The following PUM1 variants were observed in gnomAD, a reference collection of about 807,000 sequenced individuals.
PUM1 encodes the protein pumilio RNA binding family member 1, also known as pumilio homolog 1.
PUM1 carries 13 observed loss-of-function variants against 131.8 expected under a neutral mutation model. The ratio of observed to expected loss-of-function variants is 0.10; its 90% CI spans 0.06 to 0.16. The LOEUF is 0.16. PUM1 is among the 10% of genes least tolerant of loss of function. The pLI is 1.00. For missense variants in PUM1, 961 were observed against 1,512.4 expected, an observed-to-expected ratio of 0.64 and a Z score of 6.05; for synonymous variants, 509 against 556.5, an observed-to-expected ratio of 0.91 and a Z score of 1.20.
intron 5 of PUM1, among the ~76,000 whole-genome samples, chr1:31,002,198 A>G (rs1459375350): frequency 4.6e-5 from 7 of 152,228 alleles, no homozygotes; most frequent in African/African-American, 1.2e-4. Context: ...AACAAAACCT[A>G]TGAAAGTTAA....
rs115756474 is a variant in PUM1, at chr1:30,962,877, A to C, written c.2323+1797T>G. Among the ~76,000 whole-genome samples the C allele has an allele frequency of 2.3e-3, 348 of 152,336 alleles. 2 individuals are homozygous for C. Among genetic ancestry groups the C allele is most frequent in the African/African-American group, 8.1e-3 (337 of 41,576 alleles). On this transcript the variant is annotated intron_variant, in intron 14 of 21. Coordinates refer to ENST00000426105, the MANE Select transcript of PUM1 (RefSeq NM_001020658.2). ...ATTTACTATCTGGCTCTTTATGAAAAAAAAACTTAGCAGGTTCAGTTTATT... is the reference window on the plus strand; with the variant it reads ...ATTTACTATCTGGCTCTTTATGAAACAAAAACTTAGCAGGTTCAGTTTATT...
At chr1:31,061,256 G>A (rs1322583700) in intron 1 of PUM1, among the ~76,000 whole-genome samples, 1 of 152,124 alleles carries the variant, frequency 6.6e-6, no homozygotes, top group Non-Finnish European at 1.5e-5. Flanking sequence ...GCCAGGAGCT[G>A]AAGACCAGCC....
intron 15 of PUM1, among the ~76,000 whole-genome samples, chr1:30,953,184 T>C (rs183991273): frequency 1.3e-5 from 2 of 152,278 alleles, no homozygotes; most frequent in Admixed American, 1.3e-4. Context: ...AGGTAGCTTC[T>C]GTAGAAACTG....
intron 3 of PUM1, among the ~76,000 whole-genome samples, chr1:31,019,879 G>A (rs61780470): frequency 0.072 from 10,929 of 151,976 alleles, 648 homozygotes; most frequent in East Asian, 0.28. Context: ...ATAAGGTCAC[G>A]TGTTTTTACA....
Position 31,056,609 on chromosome 1 carries a change from C to CTTTTTTTTTTTTTTTT in PUM1, c.363+2579_363+2594dup, listed in dbSNP as rs57685772. Among the ~76,000 whole-genome samples the CTTTTTTTTTTTTTTTT allele has an allele frequency of 2.5e-4, 11 of 43,688 alleles. 2 individuals are homozygous for CTTTTTTTTTTTTTTTT. Among genetic ancestry groups the CTTTTTTTTTTTTTTTT allele is most frequent in the Non-Finnish European group, 3.6e-4 (9 of 24,874 alleles). The allele number at this position is 43,688 out of a possible 152,430, so 28.7% of individuals were successfully genotyped here. On this transcript the variant is annotated intron_variant, in intron 2 of 21. Transcript: ENST00000426105. ...CAGCTGAAAACCTTCCTTTTCTTTT[C>CTTTTTTTTTTTTTTTT]TTTTTTTTTTTTTTTTTTTTTTTTT...
chr1:30,952,883 G>A (rs1640005901), intron 15 of PUM1, among the ~76,000 whole-genome samples: 2 of 152,152 alleles, frequency 1.3e-5, no homozygotes, highest in Non-Finnish European at 1.5e-5. Flanking sequence ...GGCTGAAGCA[G>A]GAGAATGGCG....
intron 2 of PUM1, among the ~76,000 whole-genome samples, chr1:31,043,309 T>C (rs1643881475): frequency 6.6e-6 from 1 of 152,046 alleles, no homozygotes; most frequent in Admixed American, 6.6e-5. Flanking sequence ...TTCAAGTGAT[T>C]CTCCTGCCTC....
intron 3 of PUM1, among the ~76,000 whole-genome samples, chr1:31,011,326 C>T (rs533837845): frequency 1.3e-5 from 2 of 152,260 alleles, no homozygotes; most frequent in Admixed American, 6.5e-5. Flanking sequence ...TTTCAAGAAA[C>T]ACTTCTTGTT....
chr1:30,946,685 T>C (rs1639690366), intron 17 of PUM1, among the ~76,000 whole-genome samples: 1 of 147,132 alleles, frequency 6.8e-6, no homozygotes, highest in Admixed American at 6.8e-5. Flanking sequence ...TACATATATA[T>C]AATAAAAACA....
At chr1:31,010,674 A>ATGGT (rs1429628232) in intron 3 of PUM1, among the ~76,000 whole-genome samples, 1 of 152,194 alleles carries the variant, frequency 6.6e-6, no homozygotes, top group Non-Finnish European at 1.5e-5. Context: ...ATGGATTCTG[A>ATGGT]TGGTTGATAC....
chr1:30,935,960 C>T (rs1156634652), intron 21 of PUM1, among the ~76,000 whole-genome samples: 2 of 124,774 alleles, frequency 1.6e-5, no homozygotes, highest in East Asian at 2.1e-4. Context: ...ACTGGACCCA[C>T]GCCGTGACTT....
At chr1:31,043,809 G>C (rs1401098034) in intron 2 of PUM1, among the ~76,000 whole-genome samples, 1 of 152,164 alleles carries the variant, frequency 6.6e-6, no homozygotes, top group Non-Finnish European at 1.5e-5. Context: ...CCAGTAAAAT[G>C]TGTGGCTTGG....
At chr1:31,004,724 T>TAA (rs955452652) in intron 5 of PUM1, among the ~76,000 whole-genome samples, 1 of 152,182 alleles carries the variant, frequency 6.6e-6, no homozygotes, top group Non-Finnish European at 1.5e-5. Flanking sequence ...GAACTACTGT[T>TAA]ACTCTAACAA....
intron 14 of PUM1, among the ~76,000 whole-genome samples, chr1:30,963,818 A>G (rs781048160): frequency 5.3e-5 from 8 of 152,166 alleles, no homozygotes; most frequent in Non-Finnish European, 1.2e-4. Flanking sequence ...TTCCACTCAC[A>G]AAAGTGTTCT....
chr1:31,009,295 G>C (rs1642509552), intron 3 of PUM1, among the ~76,000 whole-genome samples: 1 of 151,988 alleles, frequency 6.6e-6, no homozygotes, highest in Non-Finnish European at 1.5e-5. Context: ...TTTGTGCAAA[G>C]CAAAAGCAAC....
intron 3 of PUM1, among the ~76,000 whole-genome samples, chr1:31,020,151 G>A (rs991812868): frequency 3.3e-5 from 5 of 152,074 alleles, no homozygotes; most frequent in Non-Finnish European, 1.5e-5. Context: ...ACTTACAAGT[G>A]AGAACATGTG....
intron 5 of PUM1, among the ~76,000 whole-genome samples, chr1:30,995,770 G>A (rs575051951): frequency 1.3e-5 from 2 of 152,220 alleles, no homozygotes; most frequent in Non-Finnish European, 2.9e-5. Context: ...ACCTGATCTT[G>A]GGATATATGC....
chr1:31,017,843 C>T (rs1400921915), intron 3 of PUM1, among the ~76,000 whole-genome samples: 1 of 152,058 alleles, frequency 6.6e-6, no homozygotes, highest in Non-Finnish European at 1.5e-5. Context: ...ACAGTAGTAA[C>T]ATTATAAAAT....
chr1:31,008,780 G>C (rs1312179361), intron 3 of PUM1, among the ~76,000 whole-genome samples: 2 of 152,048 alleles, frequency 1.3e-5, no homozygotes, highest in Non-Finnish European at 2.9e-5. Context: ...GGTCAAACCA[G>C]GTCACAGAGG....
Sources: allele counts gnomAD v4.1 joint callset (sites outside exome capture counted in the v4.1 genomes callset), GRCh38; gene constraint gnomAD v4.1.1; transcripts MANE v1.5; gene names NCBI Gene and HGNC (gene_info 2026-07-23, HGNC 2026-07-21).